The following DTNA variants were observed in gnomAD, a reference collection of about 807,000 sequenced individuals.
DTNA encodes dystrophin-related protein 3.
A neutral mutation model predicts 100.7 loss-of-function variants in DTNA; 43 were observed. That is an observed-to-expected ratio of 0.43 (90% CI 0.33 to 0.55). The LOEUF (loss-of-function observed/expected upper bound fraction) is 0.55, where lower values mean the gene tolerates loss of function less well. DTNA is among the 20% of genes least tolerant of loss of function. The pLI is 0.04. For synonymous variants in DTNA, 349 were observed against 347.9 expected (o/e 1.00, Z -0.04); for missense variants, 798 against 953.9 (o/e 0.84, Z 2.15).
At position 34,599,287 on chromosome 18, in the gene DTNA, G is replaced by A. The variant is rs542546809; in HGVS notation, c.-2+105773G>A. On this transcript the variant is annotated intron_variant, in intron 1 of 19. Transcript: ENST00000283365. ...GTTTGAGATCCCAGAATTCTTCATC[G>A]CAAAATATGAAAATATGATATTGGC... Among the ~76,000 whole-genome samples the A allele has an allele frequency of 1.7e-4, 26 of 152,228 alleles. 1 individual carries two copies. In the South Asian group the frequency reaches 2.1e-3, roughly 12 times the overall value.
At chr18:34,827,821 T>G in intron 10 of DTNA, 145 bp downstream of exon 10, 1 of 872,964 alleles carries the variant, frequency 1.1e-6, no homozygotes, top group Middle Eastern at 2.3e-4. Context: ...AGTTTTCAAT[T>G]TCATTCATTT....
intron 1 of DTNA, among the ~76,000 whole-genome samples, chr18:34,523,794 GAC>G (rs1406656843): frequency 2.0e-5 from 3 of 152,124 alleles, no homozygotes; most frequent in Admixed American, 6.6e-5. Flanking sequence ...TTTATAATGA[GAC>G]AATATCTAGT....
At chr18:34,794,520 C>T (rs1488992170) in intron 4 of DTNA, among the ~76,000 whole-genome samples, 1 of 152,086 alleles carries the variant, frequency 6.6e-6, no homozygotes, top group African/African-American at 2.4e-5. Flanking sequence ...TCCCATGCTT[C>T]CTGGAAGCTG....
At chr18:34,869,671 A>G (rs1438582959) in intron 17 of DTNA, among the ~76,000 whole-genome samples, 1 of 152,102 alleles carries the variant, frequency 6.6e-6, no homozygotes, top group African/African-American at 2.4e-5. Context: ...AGTTTTATCT[A>G]TAATAAACAT....
Position 34,765,953 on chromosome 18 carries a change from C to G in DTNA, c.68-8C>G. 2.5e-6 allele frequency: 4 copies of G among 1,613,548 alleles called. No individual in the cohort carries two copies. The highest frequency in any genetic ancestry group is 3.4e-6 in the Non-Finnish European group (4 of 1,179,652). On this transcript the variant is annotated splice_polypyrimidine_tract_variant and splice_region_variant and intron_variant, in intron 2 of 22. Coordinates refer to ENST00000444659, the MANE Select transcript of DTNA (RefSeq NM_001386795.1). ...GCATACCTTATGTGTCCTTTTTCCCCGCACTAGGGGCTCAAGATCTGGATC... is the reference window on the plus strand; with the variant it reads ...GCATACCTTATGTGTCCTTTTTCCCGGCACTAGGGGCTCAAGATCTGGATC...
intron 1 of DTNA, among the ~76,000 whole-genome samples, chr18:34,657,153 G>C (rs1434591369): frequency 6.6e-6 from 1 of 152,124 alleles, no homozygotes; most frequent in East Asian, 1.9e-4. Context: ...GCTAGGACTA[G>C]GCATGAGCCA....
At chr18:34,795,968 G>C (rs1262617866) in intron 4 of DTNA, among the ~76,000 whole-genome samples, 1 of 152,192 alleles carries the variant, frequency 6.6e-6, no homozygotes, top group Non-Finnish European at 1.5e-5. Context: ...TTGATGAAAA[G>C]CTAAGTTTGA....
At chr18:34,863,372 A>G (rs2096654129) in intron 16 of DTNA, among the ~76,000 whole-genome samples, 2 of 152,244 alleles carry the variant, frequency 1.3e-5, no homozygotes, top group African/African-American at 4.8e-5. Context: ...TTGTTGAACA[A>G]GTATGTAGAA....
chr18:34,650,485 A>T (rs1304872878), intron 1 of DTNA, among the ~76,000 whole-genome samples: 1 of 152,150 alleles, frequency 6.6e-6, no homozygotes, highest in Non-Finnish European at 1.5e-5. Flanking sequence ...GTCTTTTTAT[A>T]GTAATGGTGG....
chr18:34,658,808 G>A (rs966036945), intron 1 of DTNA, among the ~76,000 whole-genome samples: 1 of 152,182 alleles, frequency 6.6e-6, no homozygotes, highest in African/African-American at 2.4e-5. Context: ...TGCTCATTTT[G>A]TTCTTTTATG....
intron 1 of DTNA, among the ~76,000 whole-genome samples, chr18:34,554,815 A>G (rs1236152488): frequency 2.7e-5 from 4 of 149,654 alleles, no homozygotes; most frequent in Middle Eastern, 6.3e-3. Context: ...ATGTTCATCA[A>G]GGATATTGGT....
At chr18:34,696,869 C>T (rs539530884) in intron 1 of DTNA, among the ~76,000 whole-genome samples, 188 of 152,262 alleles carry the variant, frequency 1.2e-3, no homozygotes, top group Non-Finnish European at 1.9e-3. Context: ...GAGAGCTGTT[C>T]AGAGGCCTGC....
chr18:34,754,144 C>G (rs961880143), intron 1 of DTNA, among the ~76,000 whole-genome samples: 2 of 152,182 alleles, frequency 1.3e-5, no homozygotes, highest in Admixed American at 1.3e-4. Context: ...CCCTCCCTTC[C>G]TGGCAATGGG....
At chr18:34,575,760 T>C (rs9951985) in intron 1 of DTNA, among the ~76,000 whole-genome samples, 15,584 of 152,228 alleles carry the variant, frequency 0.1, 1,172 homozygotes, top group African/African-American at 0.2. Context: ...GACTGTATTA[T>C]AGCCTTTGTG....
Position 34,838,190 on chromosome 18 carries a change from G to A in DTNA, c.1253+19G>A. 2 of 1,613,070 alleles carry A rather than the reference G, an allele frequency of 1.2e-6. No homozygotes were observed. Among genetic ancestry groups the A allele is most frequent in the Admixed American group, 1.7e-5 (1 of 59,962 alleles). On this transcript the variant is annotated intron_variant, in intron 12 of 22. Transcript: ENST00000444659. ...GCAAAGGGTAAGTTACAGCCAGAGT[G>A]TACTGGAACCCTGCATTAACTAAAC...
At chr18:34,840,645 C>A (rs2096251024) in intron 13 of DTNA, among the ~76,000 whole-genome samples, 1 of 152,094 alleles carries the variant, frequency 6.6e-6, no homozygotes, top group South Asian at 2.1e-4. Flanking sequence ...TTACTTAAGA[C>A]CATAAATCTG....
At chr18:34,882,367 T>A (rs1192720628) in intron 21 of DTNA, among the ~76,000 whole-genome samples, 166 bp downstream of exon 21, 2 of 152,124 alleles carry the variant, frequency 1.3e-5, no homozygotes, top group African/African-American at 4.8e-5. Flanking sequence ...GTAAACATTT[T>A]AAATACTTCT....
intron 4 of DTNA, among the ~76,000 whole-genome samples, chr18:34,801,974 G>A (rs1000474278): frequency 2.2e-4 from 33 of 152,104 alleles, no homozygotes; most frequent in Admixed American, 1.7e-3. Context: ...GGCTGATCCC[G>A]CCCCTAAAAG....
chr18:34,881,436 G>GTTTTTT (rs1603350679), intron 20 of DTNA, among the ~76,000 whole-genome samples: 21 of 68,406 alleles, frequency 3.1e-4, no homozygotes, highest in African/African-American at 9.3e-4. Context: ...TAATTAAAAT[G>GTTTTTT]CTTTTTTTTT....
Sources: gnomAD v4.1 joint callset for allele counts (sites outside exome capture counted in the v4.1 genomes callset) on GRCh38, gnomAD v4.1.1 for gene constraint, MANE v1.5 for transcripts, NCBI Gene and HGNC (gene_info 2026-07-23, HGNC 2026-07-21) for gene names.